Variants in FSTL5 observed in about 807,000 individuals in gnomAD.
FSTL5 encodes follistatin like 5.
FSTL5 carries 62 observed loss-of-function variants against 89.1 expected under a neutral mutation model. The ratio of observed to expected loss-of-function variants is 0.70; its 90% CI spans 0.57 to 0.86. The LOEUF (loss-of-function observed/expected upper bound fraction) is 0.86, where lower values mean the gene tolerates loss of function less well. FSTL5 is among the 40% of genes least tolerant of loss of function. FSTL5 has a pLI of 0.00. For missense variants in FSTL5, 1,057 were observed against 1,001.6 expected (o/e 1.06, Z -0.75); for synonymous variants, 383 against 346.2 (o/e 1.11, Z -1.18).
chr4:162,157,081 G>T (rs1234941415), intron 1 of FSTL5, among the ~76,000 whole-genome samples: 2 of 152,028 alleles, frequency 1.3e-5, no homozygotes, highest in African/African-American at 4.8e-5. Context: ...AAGGAGACTA[G>T]TGCAAAGAAT....
intron 2 of FSTL5, among the ~76,000 whole-genome samples, chr4:162,076,542 C>T (rs983622868): frequency 2.6e-5 from 4 of 151,762 alleles, no homozygotes; most frequent in Admixed American, 6.6e-5. Context: ...GTGAGACAAA[C>T]CCACAATTAT....
At chr4:161,783,097 A>G (rs897306253) in intron 4 of FSTL5, among the ~76,000 whole-genome samples, 1 of 152,214 alleles carries the variant, frequency 6.6e-6, no homozygotes, top group African/African-American at 2.4e-5. Context: ...AAAGCACGAT[A>G]CAATGGTGAA....
chr4:161,813,395 A>G (rs12504254), intron 4 of FSTL5, among the ~76,000 whole-genome samples: 1 of 152,028 alleles, frequency 6.6e-6, no homozygotes, highest in African/African-American at 2.4e-5. Context: ...TAACCTGGTA[A>G]TAATTTAAAA....
Position 162,040,527 on chromosome 4 carries a change from G to A in FSTL5, c.127-6869C>T, listed in dbSNP as rs189608611. On this transcript the variant is annotated intron_variant, in intron 2 of 15. Transcript: ENST00000306100. ...GCGGTGGCAATTAAATTATAAAAAT[G>A]CCTCAAAAATAGAGGGGAGACAGTG... 8.0e-3 allele frequency among the ~76,000 whole-genome samples: 1,214 copies of A among 151,968 alleles called. 15 individuals are homozygous for A. The highest frequency in any genetic ancestry group is 0.028 in the African/African-American group (1,159 of 41,456).
intron 10 of FSTL5, among the ~76,000 whole-genome samples, chr4:161,536,097 T>C (rs1731604960): frequency 6.6e-6 from 1 of 152,006 alleles, no homozygotes; most frequent in Non-Finnish European, 1.5e-5. Flanking sequence ...AGGAGCGAAG[T>C]ATGAAAGGAG....
At chr4:161,978,118 C>A (rs1735716698) in intron 3 of FSTL5, among the ~76,000 whole-genome samples, 1 of 152,076 alleles carries the variant, frequency 6.6e-6, no homozygotes, top group South Asian at 2.1e-4. Context: ...TATATAACAG[C>A]CAAAGTAATG....
rs1399545946 is a variant in FSTL5 at position 161,755,672 on chromosome 4, A to T, written c.727+3739T>A. On this transcript the variant is annotated intron_variant, in intron 6 of 15. Coordinates refer to ENST00000306100, the MANE Select transcript of FSTL5 (RefSeq NM_020116.5). ...AATGGTTCCTTTTTAGTCTTAATAC[A>T]TCTGTCATTTTGATCACTGTCTGTC... 3.3e-5 allele frequency among the ~76,000 whole-genome samples: 5 copies of T among 152,056 alleles called. No homozygotes were observed. In the East Asian group the frequency reaches 9.6e-4, roughly 29 times the overall value.
intron 7 of FSTL5, among the ~76,000 whole-genome samples, chr4:161,618,695 C>T (rs887122155): frequency 1.3e-4 from 19 of 151,972 alleles, no homozygotes; most frequent in Non-Finnish European, 2.1e-4. Context: ...TGGTGGATAA[C>T]CTTTTTGATG....
intron 2 of FSTL5, among the ~76,000 whole-genome samples, chr4:162,085,192 A>G (rs1301414608): frequency 6.6e-6 from 1 of 152,090 alleles, no homozygotes. Flanking sequence ...TCTATTTACT[A>G]AAATCTTTTG....
intron 4 of FSTL5, among the ~76,000 whole-genome samples, chr4:161,776,833 A>G (rs1741428987): frequency 6.6e-6 from 1 of 152,188 alleles, no homozygotes; most frequent in South Asian, 2.1e-4. Flanking sequence ...TAATTGGGAT[A>G]TGGATCACCT....
chr4:161,906,733 T>C (rs909845932), intron 4 of FSTL5, among the ~76,000 whole-genome samples: 13 of 152,172 alleles, frequency 8.5e-5, no homozygotes, highest in African/African-American at 2.4e-4. Context: ...ATATTGCTTA[T>C]ACGATAATGT....
At chr4:161,473,892 T>A (rs182967584) in intron 13 of FSTL5, among the ~76,000 whole-genome samples, 128 of 152,340 alleles carry the variant, frequency 8.4e-4, no homozygotes, top group African/African-American at 2.9e-3. Context: ...AGTTTGATCC[T>A]GTTTTTAATC....
At chr4:161,725,083 C>A (rs1218177049) in intron 6 of FSTL5, among the ~76,000 whole-genome samples, 3 of 152,116 alleles carry the variant, frequency 2.0e-5, no homozygotes, top group Admixed American at 6.6e-5. Flanking sequence ...GTAGTCCCAG[C>A]TACTCAGGAG....
intron 7 of FSTL5, among the ~76,000 whole-genome samples, chr4:161,596,317 A>T (rs1734009702): frequency 6.6e-6 from 1 of 151,954 alleles, no homozygotes. Flanking sequence ...TTTAAAATTG[A>T]TTTAAATATG....
At chr4:161,843,908 C>T (rs1038465221) in intron 4 of FSTL5, among the ~76,000 whole-genome samples, 1 of 152,044 alleles carries the variant, frequency 6.6e-6, no homozygotes, top group African/African-American at 2.4e-5. Context: ...GACTAAAACA[C>T]CAAAAGCAAT....
intron 4 of FSTL5, among the ~76,000 whole-genome samples, chr4:161,797,655 G>C (rs769399543): frequency 6.6e-6 from 1 of 151,332 alleles, no homozygotes; most frequent in Non-Finnish European, 1.5e-5. Flanking sequence ...AAACAAAGGT[G>C]GATTCTGTAG....
intron 3 of FSTL5, among the ~76,000 whole-genome samples, chr4:161,964,849 G>A (rs1381686860): frequency 6.6e-6 from 1 of 151,858 alleles, no homozygotes; most frequent in Non-Finnish European, 1.5e-5. Flanking sequence ...CAACACATAT[G>A]GTCACAATTC....
intron 7 of FSTL5, among the ~76,000 whole-genome samples, chr4:161,622,583 G>GGTGACCA (rs1735180520): frequency 1.3e-5 from 2 of 151,918 alleles, no homozygotes; most frequent in East Asian, 3.9e-4. Context: ...TGACCAAGTG[G>GGTGACCA]AGTTACCATT....
chr4:161,531,685 T>C (rs1476105205), intron 10 of FSTL5, among the ~76,000 whole-genome samples: 1 of 152,126 alleles, frequency 6.6e-6, no homozygotes, highest in African/African-American at 2.4e-5. Flanking sequence ...ATACACTAAA[T>C]AATAAAAGGT....
Sources: allele counts gnomAD v4.1 joint callset (sites outside exome capture counted in the v4.1 genomes callset), GRCh38; gene constraint gnomAD v4.1.1; transcripts MANE v1.5; gene names NCBI Gene and HGNC (gene_info 2026-07-23, HGNC 2026-07-21).